LMNB1: variants seen among roughly 807,000 people sequenced by gnomAD.
LMNB1 encodes lamin-B1.
In LMNB1, 23 loss-of-function variants were observed where a neutral mutation model predicts 67.1. That is an observed-to-expected ratio of 0.34 (90% CI 0.25 to 0.49). The LOEUF is 0.49. Among genes scored for constraint, LMNB1 ranks in the 20% least tolerant of loss-of-function variants. The pLI, the probability that LMNB1 is intolerant of heterozygous loss-of-function variation, is 0.99. For synonymous variants in LMNB1, 281 were observed against 282.9 expected, an observed-to-expected ratio of 0.99 and a Z score of 0.07; for missense variants, 634 against 746.5, an observed-to-expected ratio of 0.85 and a Z score of 1.76.
intron 1 of LMNB1, among the ~76,000 whole-genome samples, chr5:126,797,891 C>T (rs1394149484): frequency 6.6e-6 from 1 of 151,994 alleles, no homozygotes; most frequent in South Asian, 2.1e-4. Context: ...GCCGGGGCAA[C>T]ATAGGAAAAC....
intron 1 of LMNB1, among the ~76,000 whole-genome samples, chr5:126,778,342 G>T (rs976095694): frequency 9.2e-5 from 14 of 152,172 alleles, no homozygotes; most frequent in Non-Finnish European, 1.9e-4. Context: ...CTGGCAGCCC[G>T]CCTCTAGAAT....
chr5:126,777,685 G>C lies in LMNB1; in HGVS notation c.177G>C (p.Ala59=), dbSNP rs1317245508. 1 of 1,545,096 alleles carries C rather than the reference G, an allele frequency of 6.5e-7. No individual in the cohort carries two copies. Among genetic ancestry groups the C allele is most frequent in the East Asian group, 2.5e-5 (1 of 40,258 alleles). ...KVRSLETENS[A]LQLQVTEREE... is the part of the protein sequence containing the mutation. ...GCAGCCTGGAGACGGAGAACAGCGC[G>C]CTGCAGCTGCAGGTGACGGAGCGCG... The change falls in exon 1 of 11, where the codon GCG becomes GCC. Residue 59 remains alanine (A), a synonymous_variant. Transcript: ENST00000261366.
intron 9 of LMNB1, 68 bp downstream of exon 9, chr5:126,826,175 A>G: frequency 6.6e-7 from 1 of 1,526,314 alleles, no homozygotes; most frequent in Non-Finnish European, 8.9e-7. Flanking sequence ...AAGTATAATC[A>G]AGATCAGATT....
rs1017134072 is a variant in LMNB1 at position 126,826,124 on chromosome 5, A to G, written c.1611+17A>G. 6.2e-7 allele frequency: 1 copy of G among 1,602,810 alleles called. No individual in the cohort carries two copies. Among genetic ancestry groups the G allele is most frequent in the Non-Finnish European group, 8.5e-7 (1 of 1,172,946 alleles). ...CAGGGAGAGGTATGGCCAGTTTATC[A>G]GGACCACCACAATGTTAATTTCACT... On this transcript the variant is annotated intron_variant, in intron 9 of 10. Coordinates refer to ENST00000261366, the MANE Select transcript of LMNB1 (RefSeq NM_005573.4).
At chr5:126,795,776 A>G (rs760814708) in intron 1 of LMNB1, among the ~76,000 whole-genome samples, 1 of 145,206 alleles carries the variant, frequency 6.9e-6, no homozygotes, top group Non-Finnish European at 1.5e-5. Flanking sequence ...AGGCATGCAC[A>G]ACCACACCTG....
intron 4 of LMNB1, among the ~76,000 whole-genome samples, chr5:126,811,113 CTTA>C (rs1363373436): frequency 3.9e-5 from 6 of 152,160 alleles, no homozygotes; most frequent in African/African-American, 1.4e-4. Flanking sequence ...AGTGAAAGAT[CTTA>C]TTATAAGCAG....
Position 126,777,872 on chromosome 5 carries a change from G to C in LMNB1, c.359+5G>C. On this transcript the variant is annotated splice_donor_5th_base_variant and intron_variant, in intron 1 of 10. Transcript: ENST00000261366. ...ACACGACCAGCTGCTCCTCAAGTGA[G>C]TGCTAGCTGGCGGCCGCGTTAGCGC... 1 of 1,391,444 alleles carries C rather than the reference G, an allele frequency of 7.2e-7. No individual in the cohort carries two copies. The highest frequency in any genetic ancestry group is 9.3e-7 in the Non-Finnish European group (1 of 1,073,414). The allele number at this position is 1,391,444 out of a possible 1,614,324, so 86.2% of individuals were successfully genotyped here. A position where few individuals can be genotyped will look rare whatever the true frequency, so the allele number is the denominator to read the frequency against.
At chr5:126,820,189 G>A (rs1561751234) in intron 6 of LMNB1, among the ~76,000 whole-genome samples, 4 of 152,118 alleles carry the variant, frequency 2.6e-5, no homozygotes. Flanking sequence ...GAAAGTGGCT[G>A]ATTTAGGATA....
At chr5:126,786,224 G>A (rs985901621) in intron 1 of LMNB1, among the ~76,000 whole-genome samples, 5 of 145,656 alleles carry the variant, frequency 3.4e-5, no homozygotes, top group East Asian at 2.1e-4. Flanking sequence ...TTGAGTTCAC[G>A]CCATTCTCCT....
intron 1 of LMNB1, 84 bp downstream of exon 1, chr5:126,777,951 G>T: frequency 1.5e-6 from 2 of 1,310,028 alleles, no homozygotes; most frequent in Non-Finnish European, 2.0e-6. Context: ...TTCTGCCGTG[G>T]GGAGGGAGCA....
intron 1 of LMNB1, among the ~76,000 whole-genome samples, chr5:126,800,890 G>A (rs545301910): frequency 1.5e-4 from 21 of 138,974 alleles, no homozygotes; most frequent in African/African-American, 4.8e-4. Flanking sequence ...AACCTCAGGT[G>A]ATCCGCTTGC....
chr5:126,786,112 C>CTTTTTT (rs70997312), intron 1 of LMNB1, among the ~76,000 whole-genome samples: 60 of 106,664 alleles, frequency 5.6e-4, no homozygotes, highest in African/African-American at 1.4e-3. Flanking sequence ...CAGACATTAT[C>CTTTTTT]TTTTTTTTTT....
Position 126,826,249 on chromosome 5 carries a change from T to C in LMNB1, c.1611+142T>C, listed in dbSNP as rs913569606. 40 of 963,902 alleles carry C rather than the reference T, an allele frequency of 4.1e-5. No individual in the cohort carries two copies. The African/African-American group carries it at 6.1e-4, about 15-fold the overall frequency. The allele number at this position is 963,902 out of a possible 1,614,324, so 59.7% of individuals were successfully genotyped here. On this transcript the variant is annotated intron_variant, in intron 9 of 10. Transcript: ENST00000261366. Reference sequence around the variant, plus strand: ...TGCTAAGTTAATTGAACTGAAGCTGTCTTTAAGTTTTAGGAATAAATAGGA... The same window carrying C: ...TGCTAAGTTAATTGAACTGAAGCTGCCTTTAAGTTTTAGGAATAAATAGGA...
chr5:126,803,232 C>T (rs1291374309), intron 1 of LMNB1, among the ~76,000 whole-genome samples: 1 of 151,272 alleles, frequency 6.6e-6, no homozygotes, highest in Admixed American at 6.6e-5. Context: ...TCAGTTTGAA[C>T]CTCAGCTTGT....
At position 126,816,379 on chromosome 5, in the gene LMNB1, A is replaced by C. The variant is rs139089440; in HGVS notation, c.940-2543A>C. Among the ~76,000 whole-genome samples the C allele has an allele frequency of 1.0e-3, 152 of 152,232 alleles. 1 individual carries two copies. Among genetic ancestry groups the C allele is most frequent in the African/African-American group, 3.6e-3 (150 of 41,546 alleles). ...AACCAGGCACCCCCTCTGCCCCCAAATAGGTTTACAGTGACTCTTGATTAT... is the reference window on the plus strand; with the variant it reads ...AACCAGGCACCCCCTCTGCCCCCAACTAGGTTTACAGTGACTCTTGATTAT... On this transcript the variant is annotated intron_variant, in intron 5 of 10. Transcript: ENST00000261366.
intron 6 of LMNB1, among the ~76,000 whole-genome samples, chr5:126,820,030 A>C (rs951580581): frequency 2.0e-5 from 3 of 152,130 alleles, no homozygotes; most frequent in Admixed American, 6.5e-5. Context: ...CTGTAATCCC[A>C]GCTACTTGGG....
intron 9 of LMNB1, among the ~76,000 whole-genome samples, chr5:126,827,399 C>G (rs564686424): frequency 6.6e-6 from 1 of 152,268 alleles, no homozygotes; most frequent in African/African-American, 2.4e-5. Flanking sequence ...GTGGCTCATG[C>G]CTGTAATCCC....
At position 126,800,952 on chromosome 5, in the gene LMNB1, T is replaced by TAC. The variant is rs373499380; in HGVS notation, c.360-3823_360-3822insCA. ...CAAGTGTGAGCCATTGCAGCCAGAC[T>TAC]ATATATATATATATATATATATATA... On this transcript the variant is annotated intron_variant, in intron 1 of 10. Transcript: ENST00000261366. Among the ~76,000 whole-genome samples the TAC allele has an allele frequency of 4.6e-3, 113 of 24,540 alleles. 3 individuals carry two copies. The highest frequency in any genetic ancestry group is 0.01 in the African/African-American group (75 of 7,188). 16.1% of individuals were successfully genotyped at this position (24,540 alleles called of 152,430 possible).
chr5:126,811,665 C>A, intron 4 of LMNB1, 108 bp from the exon 5 acceptor site: 2 of 965,604 alleles, frequency 2.1e-6, no homozygotes, highest in Non-Finnish European at 3.1e-6. Context: ...TGTGTTTCAT[C>A]TACCAGTTAC....
Sources: gnomAD v4.1 joint callset for allele counts (sites outside exome capture counted in the v4.1 genomes callset) on GRCh38, gnomAD v4.1.1 for gene constraint, MANE v1.5 for transcripts, NCBI Gene and HGNC (gene_info 2026-07-23, HGNC 2026-07-21) for gene names.